Variants in PARVB observed in about 807,000 individuals in gnomAD.
The protein encoded by PARVB is beta-parvin.
A neutral mutation model predicts 47.0 loss-of-function variants in PARVB; 46 were observed. The observed-to-expected ratio is 0.98, with a 90% confidence interval of 0.77 to 1.25. The LOEUF is 1.25. Among genes scored for constraint, PARVB ranks in the 50% most tolerant of loss-of-function variants. The pLI is 0.00. For missense variants in PARVB, 473 were observed against 471.6 expected (o/e 1.00, Z -0.03); for synonymous variants, 196 against 196.3 (o/e 1.00, Z 0.01).
chr22:44,049,992 G>T lies in PARVB; in HGVS notation c.112+25541G>T, dbSNP rs1043461008. The stretch of plus-strand genomic sequence containing the variant: ...ATTGTGGGCATGTGGCTGCGGAAAT[G>T]TGCCTGCACCTGGACTCGCTGTCAC... On this transcript the variant is annotated intron_variant, in intron 1 of 12. Transcript: ENST00000338758. The surrounding 1 kb of genome is among the most constrained non-coding windows in gnomAD (Gnocchi z 4.0). Among the ~76,000 whole-genome samples, 1 of 152,214 alleles carries T rather than the reference G, an allele frequency of 6.6e-6. No homozygotes were observed. Among genetic ancestry groups the T allele is most frequent in the Admixed American group, 6.5e-5 (1 of 15,286 alleles).
chr22:44,064,744 C>T (rs2051485728), intron 1 of PARVB, among the ~76,000 whole-genome samples: 1 of 152,168 alleles, frequency 6.6e-6, no homozygotes, highest in African/African-American at 2.4e-5. Flanking sequence ...GTCTCAGCTA[C>T]TCAGGAGGCT....
At chr22:44,057,037 G>A (rs1465897180) in intron 1 of PARVB, among the ~76,000 whole-genome samples, 1 of 118,816 alleles carries the variant, frequency 8.4e-6, no homozygotes, top group Non-Finnish European at 1.7e-5. Flanking sequence ...GCTGAGCTGG[G>A]GGCGTTTTTG....
intron 1 of PARVB, chr22:44,086,702 A>G (rs1271323489): frequency 2.1e-6 from 2 of 967,470 alleles, no homozygotes; most frequent in African/African-American, 3.5e-5. Context: ...CAAGATCTTC[A>G]CTGAAGTACA....
chr22:44,022,805 A>G (rs1392596869), upstream of PARVB, among the ~76,000 whole-genome samples: 3 of 151,362 alleles, frequency 2.0e-5, no homozygotes, highest in Non-Finnish European at 1.5e-5. Flanking sequence ...GGAGTGCAGT[A>G]GCATGATCTC....
At chr22:44,008,860 G>A (rs541761889) in intron 2 of PARVB, among the ~76,000 whole-genome samples, 1 of 152,116 alleles carries the variant, frequency 6.6e-6, no homozygotes, top group African/African-American at 2.4e-5. Context: ...GTGGGGGTGG[G>A]TGCCTGTAGT....
chr22:44,014,442 C>G (rs1249632531), intron 2 of PARVB, among the ~76,000 whole-genome samples: 2 of 152,166 alleles, frequency 1.3e-5, no homozygotes, highest in African/African-American at 4.8e-5. Context: ...TAATCATTCT[C>G]CAAGTGTACA....
At chr22:44,137,014 C>G (rs762991419) in intron 7 of PARVB, among the ~76,000 whole-genome samples, 21 of 152,226 alleles carry the variant, frequency 1.4e-4, no homozygotes, top group Non-Finnish European at 2.9e-4. Flanking sequence ...GCAAATCAAA[C>G]AGTATCTGTG....
chr22:44,011,794 C>G (rs865829444), intron 2 of PARVB, among the ~76,000 whole-genome samples: 1 of 152,032 alleles, frequency 6.6e-6, no homozygotes, highest in African/African-American at 2.4e-5. Context: ...AGAGCAAGTT[C>G]CCTCCCACAA....
chr22:44,030,764 AG>A (rs34250801), intron 1 of PARVB, among the ~76,000 whole-genome samples: 29,698 of 152,024 alleles, frequency 0.2, 3,343 homozygotes, highest in African/African-American at 0.32. Flanking sequence ...GGGGTGGGAA[AG>A]GATTTGCAAG....
chr22:44,030,864 C>T (rs1356591849), intron 1 of PARVB, among the ~76,000 whole-genome samples: 1 of 151,984 alleles, frequency 6.6e-6, no homozygotes, highest in Non-Finnish European at 1.5e-5. Flanking sequence ...GCGTCAGGGC[C>T]CGTAGAAAAG....
At chr22:44,132,858 G>T in intron 5 of PARVB, 36 bp from the exon 6 acceptor site, 1 of 1,459,036 alleles carries the variant, frequency 6.9e-7, no homozygotes, top group South Asian at 1.1e-5. Flanking sequence ...TGTGTAACCT[G>T]ATCTAAAGCG....
At chr22:44,096,401 A>T (rs1052988999) in intron 2 of PARVB, among the ~76,000 whole-genome samples, 12 of 152,180 alleles carry the variant, frequency 7.9e-5, no homozygotes, top group South Asian at 2.1e-4. Flanking sequence ...TTGTCTCAAA[A>T]AATAATAATA....
At chr22:44,064,245 C>G (rs2051475781) in intron 1 of PARVB, among the ~76,000 whole-genome samples, 1 of 152,252 alleles carries the variant, frequency 6.6e-6, no homozygotes. Context: ...ACGCCGAAAC[C>G]CAGCTGTTTG....
chr22:44,058,931 G>A (rs761483115), intron 1 of PARVB, among the ~76,000 whole-genome samples: 17 of 151,538 alleles, frequency 1.1e-4, no homozygotes, highest in Admixed American at 5.9e-4. Flanking sequence ...CACTAGTTAT[G>A]GTCACTCAGT....
intron 3 of PARVB, among the ~76,000 whole-genome samples, chr22:44,117,122 C>T (rs2052924319): frequency 6.6e-6 from 1 of 151,898 alleles, no homozygotes; most frequent in South Asian, 2.1e-4. Context: ...CACGGAACCC[C>T]CTCTCCCCAC....
chr22:44,082,645 G>A (rs964956614), intron 1 of PARVB, among the ~76,000 whole-genome samples: 44 of 152,134 alleles, frequency 2.9e-4, no homozygotes, highest in Non-Finnish European at 6.2e-4. Flanking sequence ...GAAGCTCACC[G>A]GCCCCTCCAT....
At position 44,009,333 on chromosome 22, in the gene PARVB, G is replaced by C. The variant is rs117094531; in HGVS notation, c.211+9660G>C. 12 of 152,280 alleles carry C rather than the reference G, an allele frequency of 7.9e-5. No individual in the cohort carries two copies. In the East Asian group the frequency reaches 2.3e-3, roughly 29 times the overall value. 9.4% of individuals were successfully genotyped at this position (152,280 alleles called of 1,614,324 possible). A position where few individuals can be genotyped will look rare whatever the true frequency, so the allele number is the denominator to read the frequency against. ...GAAAGTTTCTATCACTTTTATGTCA[G>C]ACTGAGTTTTTAACTGATGATAATG... On this transcript the variant is annotated intron_variant, in intron 2 of 13. Transcript: ENST00000406477.
chr22:44,147,483 G>A, intron 8 of PARVB: 2 of 366,374 alleles, frequency 5.5e-6, no homozygotes, highest in South Asian at 4.2e-5. Context: ...ATTCACAGGT[G>A]ACATTTGCCA....
Position 44,129,636 on chromosome 22 carries a change from A to G in PARVB, c.377-1851A>G, listed in dbSNP as rs142506920. Among the ~76,000 whole-genome samples the G allele has an allele frequency of 3.1e-3, 472 of 152,086 alleles. 6 individuals carry two copies. Among genetic ancestry groups the G allele is most frequent in the African/African-American group, 0.011 (447 of 41,462 alleles). ...CACCTGTGGGACCTACTTGCTCTCT[A>G]CTTCCAGGGCGCAAATTCAGACAGA... On this transcript the variant is annotated intron_variant, in intron 4 of 12. Coordinates refer to ENST00000338758, the MANE Select transcript of PARVB (RefSeq NM_013327.5).
Sources: gnomAD v4.1 joint callset for allele counts (sites outside exome capture counted in the v4.1 genomes callset) on GRCh38, gnomAD v4.1.1 for gene constraint, Gnocchi (gnomAD v3.1) non-coding constraint, MANE v1.5 for transcripts, NCBI Gene and HGNC (gene_info 2026-07-23, HGNC 2026-07-21) for gene names.